PKP4: variants seen among roughly 807,000 people sequenced by gnomAD.
PKP4 encodes plakophilin 4.
In PKP4, 90 loss-of-function variants were observed where a neutral mutation model predicts 145.1. The ratio of observed to expected loss-of-function variants is 0.62; its 90% confidence interval spans 0.52 to 0.74. The LOEUF is 0.74. PKP4 is among the 30% of genes least tolerant of loss of function. The pLI is 0.00. For synonymous variants in PKP4, 563 were observed against 577.2 expected, an observed-to-expected ratio of 0.98 and a Z score of 0.35; for missense variants, 1,340 against 1,482.7, an observed-to-expected ratio of 0.90 and a Z score of 1.58.
chr2:158,519,030 C>T (rs2042141166), intron 1 of PKP4, among the ~76,000 whole-genome samples: 1 of 151,912 alleles, frequency 6.6e-6, no homozygotes, highest in Non-Finnish European at 1.5e-5. Context: ...TTCATTTCTT[C>T]TTGTAGTATT....
intron 1 of PKP4, among the ~76,000 whole-genome samples, chr2:158,510,417 TGTG>T (rs1411245542): frequency 9.9e-5 from 15 of 152,138 alleles, no homozygotes; most frequent in African/African-American, 3.4e-4. Flanking sequence ...TCTAAAAAGA[TGTG>T]GGAGCATTTT....
At chr2:158,457,847 C>T (rs1054149618) in intron 1 of PKP4, 1 of 153,778 alleles carries the variant, frequency 6.5e-6, no homozygotes, top group Non-Finnish European at 1.4e-5. Context: ...TCCTCACGCT[C>T]CACCCCTCCC....
intron 1 of PKP4, among the ~76,000 whole-genome samples, chr2:158,494,457 A>G (rs1307466280): frequency 6.6e-6 from 1 of 152,178 alleles, no homozygotes; most frequent in Non-Finnish European, 1.5e-5. Flanking sequence ...TATGAACCTG[A>G]TATGTCTGAA....
Position 158,533,283 on chromosome 2 carries a change from A to C in PKP4, c.99A>C (p.Thr33=). 6.2e-7 allele frequency: 1 copy of C among 1,614,208 alleles called. No individual in the cohort carries two copies. Among genetic ancestry groups the C allele is most frequent in the African/African-American group, 1.3e-5 (1 of 75,056 alleles). Residue 33 remains threonine (T), a synonymous_variant, in exon 2 of 22, where the codon ACA becomes ACC. Transcript: ENST00000389759. Reference sequence around the variant, plus strand: ...GCCCAGGCATGGAACCCGAGACCACAGCCACCACTATTCTAGCATCCGTGA... The same window carrying C: ...GCCCAGGCATGGAACCCGAGACCACCGCCACCACTATTCTAGCATCCGTGA... ...STGPGMEPET[T]ATTILASVKE...
chr2:158,462,499 C>T (rs1368058802), intron 1 of PKP4, among the ~76,000 whole-genome samples: 2 of 152,160 alleles, frequency 1.3e-5, no homozygotes, highest in African/African-American at 4.8e-5. Flanking sequence ...TTTGAACCTT[C>T]TTCACATTCA....
intron 1 of PKP4, among the ~76,000 whole-genome samples, chr2:158,491,329 G>A (rs552927987): frequency 1.3e-5 from 2 of 152,218 alleles, no homozygotes; most frequent in African/African-American, 2.4e-5. Context: ...TGAGCTGTGC[G>A]GTGCTGATAC....
chr2:158,586,268 G>C (rs541511886), intron 3 of PKP4, among the ~76,000 whole-genome samples: 7 of 152,100 alleles, frequency 4.6e-5, no homozygotes, highest in African/African-American at 1.7e-4. Context: ...CTTTGCTCTA[G>C]ACATTCTTAA....
chr2:158,467,872 T>C (rs1346988752), intron 1 of PKP4, among the ~76,000 whole-genome samples: 1 of 152,010 alleles, frequency 6.6e-6, no homozygotes, highest in Non-Finnish European at 1.5e-5. Context: ...AAAAAAAGAA[T>C]ATTATATAAA....
At chr2:158,672,066 C>T (rs553247309) in intron 17 of PKP4, among the ~76,000 whole-genome samples, 1 of 152,146 alleles carries the variant, frequency 6.6e-6, no homozygotes, top group African/African-American at 2.4e-5. Flanking sequence ...AGGAGGCCCA[C>T]CCCAGCGTGG....
intron 17 of PKP4, among the ~76,000 whole-genome samples, 197 bp from the exon 18 acceptor site, chr2:158,673,480 T>C (rs1172791555): frequency 6.6e-6 from 1 of 152,226 alleles, no homozygotes; most frequent in African/African-American, 2.4e-5. Context: ...ACTTCAGTTC[T>C]TGCCACCTCT....
At chr2:158,600,310 G>A (rs1009748640) in intron 3 of PKP4, among the ~76,000 whole-genome samples, 1 of 152,170 alleles carries the variant, frequency 6.6e-6, no homozygotes, top group Non-Finnish European at 1.5e-5. Flanking sequence ...ATTTTAAAAT[G>A]TGTTTCACAT....
Position 158,569,457 on chromosome 2 carries a change from C to G in PKP4, c.133-7814C>G, listed in dbSNP as rs112993708. Reference sequence around the variant, plus strand: ...ACAGAGCTGTCCTAATAATGTATATCCTTCATGTCTTCAAAGTGATGCAAT... The same window carrying G: ...ACAGAGCTGTCCTAATAATGTATATGCTTCATGTCTTCAAAGTGATGCAAT... On this transcript the variant is annotated intron_variant, in intron 2 of 21. Transcript: ENST00000389759. Among the ~76,000 whole-genome samples, 156 of 152,264 alleles carry G rather than the reference C, an allele frequency of 1.0e-3. 1 individual carries two copies. The highest frequency in any genetic ancestry group is 3.6e-3 in the African/African-American group (150 of 41,570).
At chr2:158,610,209 G>C (rs2051012063) in intron 4 of PKP4, among the ~76,000 whole-genome samples, 1 of 152,006 alleles carries the variant, frequency 6.6e-6, no homozygotes. Context: ...TTATAACCTT[G>C]TGTATTCTGC....
At chr2:158,492,581 C>T (rs1206654557) in intron 1 of PKP4, among the ~76,000 whole-genome samples, 2 of 152,064 alleles carry the variant, frequency 1.3e-5, no homozygotes, top group Non-Finnish European at 2.9e-5. Flanking sequence ...GGGCTTTGCT[C>T]CTGAGGATAC....
At chr2:158,663,828 C>T (rs1009521838) in intron 15 of PKP4, among the ~76,000 whole-genome samples, 6 of 152,112 alleles carry the variant, frequency 3.9e-5, no homozygotes, top group African/African-American at 9.7e-5. Flanking sequence ...GGATGCTGCC[C>T]GGCAGAATCT....
intron 2 of PKP4, chr2:158,548,734 C>A: frequency 3.5e-6 from 1 of 288,432 alleles, no homozygotes; most frequent in Non-Finnish European, 6.3e-6. Context: ...CCCATAAGTA[C>A]TGACCAGAGA....
chr2:158,537,240 T>A (rs80216007), intron 2 of PKP4, among the ~76,000 whole-genome samples: 4 of 152,192 alleles, frequency 2.6e-5, no homozygotes, highest in Non-Finnish European at 5.9e-5. Context: ...TGATAAAGGA[T>A]TTAAATTCAA....
intron 4 of PKP4, among the ~76,000 whole-genome samples, chr2:158,619,853 G>A (rs929250077): frequency 2.0e-5 from 3 of 152,244 alleles, no homozygotes; most frequent in Admixed American, 6.5e-5. Flanking sequence ...GAAAGAGAAG[G>A]CTGGCCTCCT....
chr2:158,540,868 C>T (rs756614972), intron 2 of PKP4, among the ~76,000 whole-genome samples: 1 of 152,168 alleles, frequency 6.6e-6, no homozygotes, highest in Non-Finnish European at 1.5e-5. Context: ...TTTGTTAACA[C>T]TTAAAGCCAA....
Sources: allele counts gnomAD v4.1 joint callset (sites outside exome capture counted in the v4.1 genomes callset), GRCh38; gene constraint gnomAD v4.1.1; transcripts MANE v1.5; gene names NCBI Gene and HGNC (gene_info 2026-07-23, HGNC 2026-07-21).